Variants in GLI3 observed in about 807,000 individuals in gnomAD.
GLI3 encodes GLI family zinc finger 3.
In GLI3, 20 loss-of-function variants were observed where a neutral mutation model predicts 100.8. The observed-to-expected ratio is 0.20, with a 90% CI of 0.14 to 0.29. The LOEUF is 0.29. Among genes scored for constraint, GLI3 ranks in the 10% least tolerant of loss-of-function variants. The probability of loss-of-function intolerance (pLI) is 1.00; values close to 1 mark genes in which losing one functional copy is unlikely to be tolerated. For synonymous variants in GLI3, 938 were observed against 860.5 expected, an observed-to-expected ratio of 1.09 and a Z score of -1.58; for missense variants, 2,040 against 2,128.5, an observed-to-expected ratio of 0.96 and a Z score of 0.82.
intron 4 of GLI3, among the ~76,000 whole-genome samples, chr7:42,072,676 T>C (rs1458391247): frequency 6.6e-6 from 1 of 152,202 alleles, no homozygotes; most frequent in East Asian, 1.9e-4. Flanking sequence ...AATACAGTAG[T>C]GTCTCCTCGA....
At position 41,965,073 on chromosome 7, in the gene GLI3, G is replaced by T; in HGVS notation, c.4000C>A (p.His1334Asn). Reference protein sequence around the residue: ...AHQLLGDSMQHPGAGRPGQQM... With the variant: ...AHQLLGDSMQNPGAGRPGQQM... ...TGACCGGGGCGGCCTGCCCCCGGGT[G>T]CTGCATGCTGTCGCCGAGGAGCTGG... is the stretch of plus-strand genomic sequence containing the variant. Residue 1334 changes from histidine to asparagine, a missense_variant, in exon 15 of 15, where the codon CAC becomes AAC. This residue lies in a region of GLI3 where 1,041 missense variants were observed against 924.0 expected (regional missense o/e 1.13). Coordinates refer to ENST00000395925, the MANE Select transcript of GLI3 (RefSeq NM_000168.6). 1 of 1,613,876 alleles carries T rather than the reference G, an allele frequency of 6.2e-7. No homozygotes were observed. The highest frequency in any genetic ancestry group is 1.1e-5 in the South Asian group (1 of 91,088).
chr7:42,220,493 G>T (rs903976119), intron 2 of GLI3, among the ~76,000 whole-genome samples: 8 of 152,160 alleles, frequency 5.3e-5, no homozygotes, highest in Non-Finnish European at 1.2e-4. Flanking sequence ...GACAGGGCCA[G>T]GTCCAAAGCC....
chr7:41,965,642 T>C lies in GLI3; in HGVS notation c.3431A>G (p.His1144Arg). ...CTCGGGGCAGGGCTGCTCGAGGGCA[T>C]GGAACTGCTGGCCAGCGTGGCTGTC... Reference protein sequence around the residue: ...LPDSHAGQQFHALEQPCPEGS... With the variant: ...LPDSHAGQQFRALEQPCPEGS... The change falls in exon 15 of 15, where the codon CAT (histidine) becomes CGT (arginine). Residue 1144 changes from histidine (H) to arginine (R), a missense_variant. By Grantham distance (29) the His-to-Arg change is conservative (BLOSUM62 0). Transcript: ENST00000395925. 3.7e-6 allele frequency: 6 copies of C among 1,611,926 alleles called. No individual in the cohort carries two copies. The highest frequency in any genetic ancestry group is 5.1e-6 in the Non-Finnish European group (6 of 1,178,594).
At chr7:42,164,021 C>T (rs146468325) in intron 2 of GLI3, among the ~76,000 whole-genome samples, 144 of 151,090 alleles carry the variant, frequency 9.5e-4, no homozygotes, top group African/African-American at 3.2e-3. Flanking sequence ...TTTTTTTTTC[C>T]TTTTGTAATG....
chr7:41,962,160 G>C lies in GLI3; in HGVS notation c.*2170C>G, dbSNP rs948999824. ...GAGGTTGCATCCGAGAATACTACTGGAAGAGCCCTCTGATGGAGGAGGTCA... is the reference window on the plus strand; with the variant it reads ...GAGGTTGCATCCGAGAATACTACTGCAAGAGCCCTCTGATGGAGGAGGTCA... On this transcript the variant is annotated 3_prime_UTR_variant, in exon 15 of 15. Coordinates refer to ENST00000395925, the MANE Select transcript of GLI3 (RefSeq NM_000168.6). 1 of 152,176 alleles carries C rather than the reference G, an allele frequency of 6.6e-6. No homozygotes were observed. The highest frequency in any genetic ancestry group is 2.4e-5 in the African/African-American group (1 of 41,418). The allele number at this position is 152,176 out of a possible 1,614,324, so 9.4% of individuals were successfully genotyped here.
At chr7:42,035,870 T>C (rs1187460993) in intron 7 of GLI3, among the ~76,000 whole-genome samples, 1 of 152,200 alleles carries the variant, frequency 6.6e-6, no homozygotes, top group Non-Finnish European at 1.5e-5. Context: ...TATCTAGTCT[T>C]AGATGGGGAG....
chr7:41,996,288 A>AT (rs543371584), intron 10 of GLI3, among the ~76,000 whole-genome samples: 9,452 of 150,664 alleles, frequency 0.063, 418 homozygotes, highest in Non-Finnish European at 0.097. Flanking sequence ...TGGAACAATT[A>AT]TTTTTTTTTT....
At chr7:42,020,591 T>A (rs1788908160) in intron 10 of GLI3, among the ~76,000 whole-genome samples, 2 of 152,136 alleles carry the variant, frequency 1.3e-5, no homozygotes, top group Non-Finnish European at 2.9e-5. Flanking sequence ...CTCTTGGTTG[T>A]ATGTGGCATG....
At chr7:42,049,125 G>T (rs865778362) in intron 4 of GLI3, among the ~76,000 whole-genome samples, 155 of 151,934 alleles carry the variant, frequency 1.0e-3, no homozygotes, top group African/African-American at 3.1e-3. Context: ...GAAAAGAAAA[G>T]AAAAAAGAAA....
At chr7:42,214,581 A>G (rs1788336577) in intron 2 of GLI3, among the ~76,000 whole-genome samples, 3 of 151,934 alleles carry the variant, frequency 2.0e-5, no homozygotes, top group Admixed American at 1.3e-4. Flanking sequence ...ACTTTAATAC[A>G]AAAATTCTGT....
At chr7:42,000,534 G>A (rs983068239) in intron 10 of GLI3, among the ~76,000 whole-genome samples, 20 of 152,110 alleles carry the variant, frequency 1.3e-4, no homozygotes, top group African/African-American at 4.8e-4. Flanking sequence ...ACAAGGGGGA[G>A]GACCACTAAA....
chr7:42,126,288 T>C (rs1354069877), intron 3 of GLI3, among the ~76,000 whole-genome samples: 1 of 152,232 alleles, frequency 6.6e-6, no homozygotes, highest in Non-Finnish European at 1.5e-5. Flanking sequence ...CAACATCCAC[T>C]TATTCTGTCA....
At chr7:42,143,276 C>T (rs1380903146) in intron 3 of GLI3, among the ~76,000 whole-genome samples, 1 of 152,198 alleles carries the variant, frequency 6.6e-6, no homozygotes, top group Non-Finnish European at 1.5e-5. Context: ...TTCTGATTGG[C>T]TCATCAACTG....
intron 2 of GLI3, among the ~76,000 whole-genome samples, chr7:42,196,549 T>C (rs553714063): frequency 2.0e-5 from 3 of 152,334 alleles, no homozygotes; most frequent in African/African-American, 7.2e-5. Flanking sequence ...TTTTAAAGCA[T>C]TAAAGATTAA....
At chr7:42,063,815 T>G (rs531707589) in intron 4 of GLI3, among the ~76,000 whole-genome samples, 1 of 152,332 alleles carries the variant, frequency 6.6e-6, no homozygotes, top group South Asian at 2.1e-4. Context: ...TTAGACAGAT[T>G]CAGTAATCTG....
At chr7:42,005,599 GC>G (rs1335692951) in intron 10 of GLI3, among the ~76,000 whole-genome samples, 6 of 151,998 alleles carry the variant, frequency 3.9e-5, no homozygotes, top group African/African-American at 7.2e-5. Context: ...GCTGATACCT[GC>G]CTCCCTAGAA....
chr7:42,174,076 C>A (rs1787431256), intron 2 of GLI3, among the ~76,000 whole-genome samples: 1 of 152,064 alleles, frequency 6.6e-6, no homozygotes, highest in African/African-American at 2.4e-5. Context: ...TTAAATGCAG[C>A]ATGGTTTCAA....
intron 3 of GLI3, among the ~76,000 whole-genome samples, chr7:42,078,171 C>T (rs1253231738): frequency 6.6e-6 from 1 of 152,204 alleles, no homozygotes; most frequent in Non-Finnish European, 1.5e-5. Flanking sequence ...GGCAACACCG[C>T]CATCCCAACT....
At chr7:42,100,615 G>A (rs1257328299) in intron 3 of GLI3, among the ~76,000 whole-genome samples, 6 of 151,756 alleles carry the variant, frequency 4.0e-5, no homozygotes, top group Admixed American at 2.6e-4. Context: ...GGTGGTGCAC[G>A]CCTGTAGTCC....
Sources: allele counts gnomAD v4.1 joint callset (sites outside exome capture counted in the v4.1 genomes callset), GRCh38; gene constraint gnomAD v4.1.1; regional missense constraint gnomAD v4.1.1; transcripts MANE v1.5; gene names NCBI Gene and HGNC (gene_info 2026-07-23, HGNC 2026-07-21).